Variants in GALNT18 observed in about 807,000 individuals in gnomAD.
GALNT18 encodes the protein GalNAc-transferase 18.
Under a neutral mutation model 69.5 loss-of-function variants are expected in GALNT18, and 44 were observed. That is an observed-to-expected ratio of 0.63 (90% confidence interval 0.50 to 0.81). The LOEUF (loss-of-function observed/expected upper bound fraction) is 0.81. Among genes scored for constraint, GALNT18 ranks in the 40% least tolerant of loss-of-function variants. The pLI is 0.00. For missense variants in GALNT18, 715 were observed against 810.0 expected, an observed-to-expected ratio of 0.88 and a Z score of 1.42; for synonymous variants, 364 against 318.2, an observed-to-expected ratio of 1.14 and a Z score of -1.53.
intron 9 of GALNT18, among the ~76,000 whole-genome samples, chr11:11,294,790 G>A (rs1466350750): frequency 4.6e-5 from 7 of 152,034 alleles, no homozygotes; most frequent in African/African-American, 1.4e-4. Context: ...TCAGGGCTCC[G>A]AGTGAAAAGT....
At position 11,621,516 on chromosome 11, in the gene GALNT18, C is replaced by A; in HGVS notation, c.78G>T (p.Leu26=). Reference sequence around the variant, plus strand: ...AGTTGGTGACCCAGCCCACGTAGAGCAGGCAGATGATGTTAGTCATGCCGC... The same window carrying A: ...AGTTGGTGACCCAGCCCACGTAGAGAAGGCAGATGATGTTAGTCATGCCGC... ...ILSGMTNIIC[L]LYVGWVTNYI... Residue 26 remains leucine, a synonymous_variant, in exon 1 of 11, where the codon CTG becomes CTT. Coordinates refer to ENST00000227756, the MANE Select transcript of GALNT18 (RefSeq NM_198516.3). The surrounding 1 kb of genome is among the most constrained non-coding windows in gnomAD (Gnocchi z 9.3). 6.2e-7 allele frequency: 1 copy of A among 1,614,160 alleles called. No homozygotes were observed. Among genetic ancestry groups the A allele is most frequent in the Non-Finnish European group, 8.5e-7 (1 of 1,180,020 alleles).
chr11:11,525,632 C>CTT (rs33938067), intron 1 of GALNT18, among the ~76,000 whole-genome samples: 17,800 of 118,520 alleles, frequency 0.15, 1,789 homozygotes, highest in South Asian at 0.19. Flanking sequence ...GTGCATATTA[C>CTT]TTTTTTTTTT....
rs1043255097 is a variant in GALNT18 at position 11,396,380 on chromosome 11, G to C, written c.596-17116C>G. ...AGATTAAATGATGTCATCAGCAGTGGGGGGAGGAGAAACGCATGAAATGGG... is the reference window on the plus strand; with the variant it reads ...AGATTAAATGATGTCATCAGCAGTGCGGGGAGGAGAAACGCATGAAATGGG... On this transcript the variant is annotated intron_variant, in intron 3 of 10. Transcript: ENST00000227756. The surrounding 1 kb of genome is among the most constrained non-coding windows in gnomAD (Gnocchi z 5.2). 1.2e-4 allele frequency among the ~76,000 whole-genome samples: 18 copies of C among 152,122 alleles called. No homozygotes were observed. Among genetic ancestry groups the C allele is most frequent in the African/African-American group, 2.9e-4 (12 of 41,422 alleles).
At chr11:11,566,756 T>C (rs1858662386) in intron 1 of GALNT18, among the ~76,000 whole-genome samples, 1 of 152,154 alleles carries the variant, frequency 6.6e-6, no homozygotes, top group African/African-American at 2.4e-5. Context: ...TTGGAAAAAA[T>C]AGAAATTTGA....
chr11:11,370,852 G>A (rs1407809073), intron 6 of GALNT18, among the ~76,000 whole-genome samples: 1 of 152,184 alleles, frequency 6.6e-6, no homozygotes, highest in African/African-American at 2.4e-5. Context: ...GCGAATGGAG[G>A]CGGTCCAACC....
At chr11:11,455,986 G>A (rs1855916693) in intron 1 of GALNT18, among the ~76,000 whole-genome samples, 2 of 152,186 alleles carry the variant, frequency 1.3e-5, no homozygotes, top group Non-Finnish European at 2.9e-5. Context: ...CTACTCAGGA[G>A]GTTGAGGTAG....
At chr11:11,276,522 A>G (rs1848951166) in intron 10 of GALNT18, among the ~76,000 whole-genome samples, 1 of 152,052 alleles carries the variant, frequency 6.6e-6, no homozygotes, top group East Asian at 1.9e-4. Context: ...AATATCCTGT[A>G]TTTCTTTCTC....
At chr11:11,411,305 G>A (rs1054088864) in intron 3 of GALNT18, among the ~76,000 whole-genome samples, 6 of 152,054 alleles carry the variant, frequency 3.9e-5, no homozygotes, top group East Asian at 1.9e-4. Flanking sequence ...TTTTTTTCCC[G>A]CTGTCTACAC....
chr11:11,412,407 C>A (rs1189833621), intron 3 of GALNT18, among the ~76,000 whole-genome samples: 1 of 152,212 alleles, frequency 6.6e-6, no homozygotes, highest in African/African-American at 2.4e-5. Context: ...CCGATCCCTA[C>A]CCCAGCCTGA....
Position 11,389,663 on chromosome 11 carries a change from C to T in GALNT18, c.596-10399G>A, listed in dbSNP as rs954536228. ...CCCCAGCTCCTCCAGCTTAGGAGTACTGAGAAGAGTCCTCCCATGAGCTTC... is the reference window on the plus strand; with the variant it reads ...CCCCAGCTCCTCCAGCTTAGGAGTATTGAGAAGAGTCCTCCCATGAGCTTC... On this transcript the variant is annotated intron_variant, in intron 3 of 10. Transcript: ENST00000227756. The surrounding 1 kb of genome is among the most constrained non-coding windows in gnomAD (Gnocchi z 4.3). 9.8e-5 allele frequency among the ~76,000 whole-genome samples: 15 copies of T among 152,292 alleles called. No homozygotes were observed. The highest frequency in any genetic ancestry group is 2.9e-4 in the African/African-American group (12 of 41,580).
At chr11:11,346,707 A>G (rs1257301404) in intron 6 of GALNT18, among the ~76,000 whole-genome samples, 1 of 152,250 alleles carries the variant, frequency 6.6e-6, no homozygotes, top group Non-Finnish European at 1.5e-5. Context: ...TGTGGCCAAG[A>G]CCCTAAAGTG....
At chr11:11,547,105 A>G (rs1858071504) in intron 1 of GALNT18, among the ~76,000 whole-genome samples, 1 of 152,236 alleles carries the variant, frequency 6.6e-6, no homozygotes. Flanking sequence ...TTAAATGAGA[A>G]ACGTACAGAA....
intron 3 of GALNT18, among the ~76,000 whole-genome samples, chr11:11,411,858 CGCA>C: frequency 1.3e-5 from 2 of 152,298 alleles, no homozygotes; most frequent in South Asian, 4.2e-4. Flanking sequence ...GGGCATAAAG[CGCA>C]TCTCAGAGTT....
intron 1 of GALNT18, 118 bp from the exon 2 acceptor site, chr11:11,449,054 G>A (rs779691071): frequency 3.5e-5 from 30 of 859,520 alleles, no homozygotes; most frequent in South Asian, 1.1e-4. Context: ...CCCTTCTTTC[G>A]GGGTCAGTGC....
At chr11:11,273,535 G>A (rs948783218) in intron 10 of GALNT18, among the ~76,000 whole-genome samples, 4 of 152,164 alleles carry the variant, frequency 2.6e-5, no homozygotes, top group African/African-American at 7.2e-5. Context: ...CCGAAAGACA[G>A]GCAATAATAA....
chr11:11,434,162 G>A (rs1855343316), intron 2 of GALNT18, among the ~76,000 whole-genome samples: 1 of 152,112 alleles, frequency 6.6e-6, no homozygotes, highest in Non-Finnish European at 1.5e-5. Context: ...ACTAAGATCA[G>A]CATCTCCATG....
Position 11,470,428 on chromosome 11 carries a change from T to C in GALNT18, c.236-21492A>G, listed in dbSNP as rs1466013148. On this transcript the variant is annotated intron_variant, in intron 1 of 10. Coordinates refer to ENST00000227756, the MANE Select transcript of GALNT18 (RefSeq NM_198516.3). The surrounding 1 kb of genome is among the most constrained non-coding windows in gnomAD (Gnocchi z 4.8). ...AGAAGAAGCCCCCTATCCTTCTCCA[T>C]TTATCTCACTTTCCCTCTGTCATCA... Among the ~76,000 whole-genome samples the C allele has an allele frequency of 1.3e-5, 2 of 152,196 alleles. No homozygotes were observed. The highest frequency in any genetic ancestry group is 2.9e-5 in the Non-Finnish European group (2 of 68,038).
intron 1 of GALNT18, among the ~76,000 whole-genome samples, chr11:11,458,984 T>C (rs567596793): frequency 2.5e-4 from 38 of 152,296 alleles, no homozygotes; most frequent in Non-Finnish European, 4.7e-4. Context: ...AGTGTTTGCG[T>C]TTTACTTGAG....
chr11:11,431,404 C>A (rs973476008), intron 3 of GALNT18, among the ~76,000 whole-genome samples: 2 of 152,254 alleles, frequency 1.3e-5, no homozygotes, highest in Middle Eastern at 3.4e-3. Context: ...TGGTAGGCAG[C>A]CATCAGAGAT....
Sources: allele counts gnomAD v4.1 joint callset (sites outside exome capture counted in the v4.1 genomes callset), GRCh38; gene constraint gnomAD v4.1.1; non-coding constraint Gnocchi (gnomAD v3.1); transcripts MANE v1.5; gene names NCBI Gene and HGNC (gene_info 2026-07-23, HGNC 2026-07-21).